The following ZMYM3 variants were observed in gnomAD, a reference collection of about 807,000 sequenced individuals.
The protein encoded by ZMYM3 is zinc finger MYM-type containing 3, also known as zinc finger MYM-type protein 3.
Under a neutral mutation model 94.2 loss-of-function variants are expected in ZMYM3, and 6 were observed. That is an observed-to-expected ratio of 0.06 (90% CI 0.03 to 0.13). ZMYM3 has a LOEUF of 0.13. ZMYM3 is among the 10% of genes least tolerant of loss of function. The probability of loss-of-function intolerance (pLI) is 1.00; values close to 1 mark genes in which losing one functional copy is unlikely to be tolerated. For synonymous variants in ZMYM3, 420 were observed against 426.5 expected, an observed-to-expected ratio of 0.98 and a Z score of 0.19; for missense variants, 664 against 1,132.6, an observed-to-expected ratio of 0.59 and a Z score of 5.94.
chrX:71,249,542 C>G lies in ZMYM3; in HGVS notation c.1389G>C (p.Gly463=), dbSNP rs1245402600. 3 of 1,206,085 alleles carry G rather than the reference C, an allele frequency of 2.5e-6. No homozygotes were observed. The highest frequency in any genetic ancestry group is 3.4e-6 in the Non-Finnish European group (3 of 893,366). The change falls in exon 7 of 25, where the codon GGG becomes GGC. Residue 463 remains glycine, a synonymous_variant. Coordinates refer to ENST00000314425, the MANE Select transcript of ZMYM3 (RefSeq NM_201599.3). ...QCGAYIYTKT[G]SPGPELLFHE... is the part of the protein sequence containing the mutation. ...GGAAGAGGAGCTCAGGGCCAGGACTCCCGGTCTTGGTGTAGATGTAAGCCC... is the reference window on the plus strand; with the variant it reads ...GGAAGAGGAGCTCAGGGCCAGGACTGCCGGTCTTGGTGTAGATGTAAGCCC...
Position 71,247,706 on chromosome X carries a change from G to A in ZMYM3, c.2148+28C>T, listed in dbSNP as rs754023747. 2.2e-5 allele frequency: 26 copies of A among 1,196,135 alleles called. No individual in the cohort carries two copies. In the East Asian group the frequency reaches 2.4e-4, roughly 11 times the overall value. On this transcript the variant is annotated intron_variant, in intron 12 of 24. Coordinates refer to ENST00000314425, the MANE Select transcript of ZMYM3 (RefSeq NM_201599.3). ...CGTGCTCCCCACTGCCCTCTTTCCCGCCTCGCTCGCATGCTGACCCTCCTT... is the reference window on the plus strand; with the variant it reads ...CGTGCTCCCCACTGCCCTCTTTCCCACCTCGCTCGCATGCTGACCCTCCTT...
Position 71,245,704 on chromosome X carries a change from C to A in ZMYM3, c.2824G>T (p.Ala942Ser). 1 of 1,211,594 alleles carries A rather than the reference C, an allele frequency of 8.3e-7. No homozygotes were observed. Among genetic ancestry groups the A allele is most frequent in the Non-Finnish European group, 1.1e-6 (1 of 895,451 alleles). The change falls in exon 17 of 25, where the codon GCT becomes TCT. Residue 942 changes from alanine to serine, a missense_variant. Transcript: ENST00000314425. ...GATGAGGCCTTGTCTAACTCCTCAGCCTCTGCAATCATTTCTGCCATAGCC... is the reference window on the plus strand; with the variant it reads ...GATGAGGCCTTGTCTAACTCCTCAGACTCTGCAATCATTTCTGCCATAGCC... ...ILAMAEMIAE[A>S]EELDKASSDL...
intron 19 of ZMYM3, 21 bp downstream of exon 19, chrX:71,244,769 A>G (rs372147078): frequency 2.5e-4 from 291 of 1,161,436 alleles, no homozygotes; most frequent in Middle Eastern, 5.1e-4. Flanking sequence ...TCTTTTGTAC[A>G]TACAGTAGCC....
In ZMYM3 at chrX:71,249,610, G is replaced by A. The variant is rs587777358; in HGVS notation, c.1321C>T (p.Arg441Trp). Residue 441 changes from arginine (R) to tryptophan (W), a missense_variant, in exon 7 of 25, where the codon CGG becomes TGG. Arg to Trp is a moderately radical substitution (Grantham distance 101). Transcript: ENST00000314425. The part of the protein sequence containing the change: ...LCSDSCFSKF[R>W]ANKGLKTNCC... ...TTGGTTTTCAGTCCCTTGTTGGCCC[G>A]GAATTTGGAGAAGCAAGAATCGCTG... 1 of 1,209,879 alleles carries A rather than the reference G, an allele frequency of 8.3e-7. No homozygotes were observed.
intron 16 of ZMYM3, 72 bp from the exon 17 acceptor site, chrX:71,245,914 A>G (rs73541924): frequency 0.018 from 20,741 of 1,182,280 alleles, 261 homozygotes; most frequent in African/African-American, 0.076. Context: ...GGGACAGATG[A>G]TGAGTGAAGG....
At chrX:71,244,638 G>C (rs1293565638) in intron 19 of ZMYM3, 152 bp downstream of exon 19, 30 of 769,723 alleles carry the variant, frequency 3.9e-5, no homozygotes, top group Non-Finnish European at 5.0e-5. Context: ...TGTGAGATGG[G>C]GGGAGAGCAA....
intron 4 of ZMYM3, 87 bp downstream of exon 4, chrX:71,251,091 T>C (rs1052428428): frequency 2.0e-6 from 2 of 979,402 alleles, no homozygotes; most frequent in Non-Finnish European, 2.9e-6. Flanking sequence ...CGGCAGGAGC[T>C]AGAAGATCCA....
intron 5 of ZMYM3, 42 bp from the exon 6 acceptor site, chrX:71,250,245 C>G: frequency 2.7e-6 from 3 of 1,127,525 alleles, no homozygotes; most frequent in Non-Finnish European, 3.5e-6. Context: ...CAAGACCACC[C>G]TCTCATTTCC....
Position 71,247,794 on chromosome X carries a change from G to A in ZMYM3, c.2088C>T (p.Gly696=), listed in dbSNP as rs748861177. The change falls in exon 12 of 25, where the codon GGC becomes GGT. Residue 696 remains glycine, a synonymous_variant. Transcript: ENST00000314425. ...CCTCACTGCAGAAGTCCCAGGTGCT[G>A]CCATCCAGTTGCTCGGTGACTCCGC... ...CQRGVTEQLD[G]STWDFCSEDC... is the part of the protein sequence containing the mutation. 2 of 1,212,012 alleles carry A rather than the reference G, an allele frequency of 1.7e-6. No individual in the cohort carries two copies. Among genetic ancestry groups the A allele is most frequent in the East Asian group, 3.0e-5 (1 of 33,869 alleles).
At chrX:71,254,765 G>C (rs1248451288), upstream of ZMYM3, 2 of 111,650 alleles carry the variant, frequency 1.8e-5, no homozygotes, top group African/African-American at 6.5e-5. Context: ...GCGGAGGACG[G>C]GGGGAGGCAG....
chrX:71,242,481 C>A (rs1602357627), intron 22 of ZMYM3, 57 bp from the exon 23 acceptor site: 2 of 1,179,438 alleles, frequency 1.7e-6, no homozygotes, highest in Non-Finnish European at 2.3e-6. Flanking sequence ...CAAACCCAAC[C>A]ACTTCCCATC....
intron 3 of ZMYM3, 114 bp downstream of exon 3, chrX:71,251,444 C>T (rs1469800289): frequency 1.9e-6 from 2 of 1,029,971 alleles, no homozygotes; most frequent in African/African-American, 3.9e-5. Flanking sequence ...CTCCCTCCTC[C>T]TAACTCTCCT....
At chrX:71,247,679 C>T (rs762165919) in intron 12 of ZMYM3, 55 bp downstream of exon 12, 32 of 1,174,757 alleles carry the variant, frequency 2.7e-5, no homozygotes, top group Non-Finnish European at 3.3e-5. Context: ...AGTACCACAG[C>T]CCGTGCTCCC....
intron 22 of ZMYM3, 137 bp from the exon 23 acceptor site, chrX:71,242,561 C>T (rs2029992989): frequency 1.2e-6 from 1 of 813,753 alleles, no homozygotes; most frequent in African/African-American, 2.0e-5. Context: ...AACACTGTCA[C>T]TTCGCTACAC....
intron 3 of ZMYM3, 70 bp from the exon 4 acceptor site, chrX:71,251,314 G>GT (rs2030455990): frequency 9.9e-7 from 1 of 1,013,373 alleles, no homozygotes; most frequent in Non-Finnish European, 1.4e-6. Context: ...TACAGGGTTT[G>GT]GGGGGGGATA....
At position 71,250,568 on chromosome X, in the gene ZMYM3, G is replaced by A. The variant is rs1169465626; in HGVS notation, c.937C>T (p.His313Tyr). Residue 313 changes from histidine (H) to tyrosine (Y), a missense_variant, in exon 5 of 25, where the codon CAT (histidine) becomes TAT (tyrosine). By Grantham distance (83) the His-to-Tyr change is moderately conservative. Around this residue, in one of 9 missense-constraint regions of ZMYM3, gnomAD observed 45 missense variants for 92.9 expected, o/e 0.48. Coordinates refer to ENST00000314425, the MANE Select transcript of ZMYM3 (RefSeq NM_201599.3). ...CCCTTCTGCAGTGGTGTCCGGCAAT[G>A]TGCACAAGTCATCTTGGTGCCCACT... ...SAVGTKMTCA[H>Y]CRTPLQKGQT... 2 of 1,211,702 alleles carry A rather than the reference G, an allele frequency of 1.7e-6. No individual in the cohort carries two copies. The highest frequency in any genetic ancestry group is 1.8e-5 in the South Asian group (1 of 56,833).
At chrX:71,244,965 T>C in intron 18 of ZMYM3, 72 bp from the exon 19 acceptor site, 1 of 892,898 alleles carries the variant, frequency 1.1e-6, no homozygotes, top group Non-Finnish European at 1.6e-6. Flanking sequence ...GCCCCACCCC[T>C]GCTACTTGCC....
Position 71,240,981 on chromosome X carries a change from G to A in ZMYM3, c.4048C>T (p.Arg1350Cys). 1 of 1,211,615 alleles carries A rather than the reference G, an allele frequency of 8.3e-7. No homozygotes were observed. Among genetic ancestry groups the A allele is most frequent in the Non-Finnish European group, 1.1e-6 (1 of 895,466 alleles). ...TAAATCTCGCGCACAGCCAGGATGCGATTGAGCATGCTCTCCAACATGCTG... is the reference window on the plus strand; with the variant it reads ...TAAATCTCGCGCACAGCCAGGATGCAATTGAGCATGCTCTCCAACATGCTG... The part of the protein sequence containing the change: ...DRSMLESMLN[R>C]ILAVREIYEE... Residue 1350 changes from arginine to cysteine, a missense_variant, in exon 25 of 25, where the codon CGC becomes TGC. By Grantham distance (180) the Arg-to-Cys change is radical. Transcript: ENST00000314425.
rs779893489 is a variant in ZMYM3 at position 71,244,029 on chromosome X, G to A, written c.3281-49C>T. ...ACAGGATTAAGAAAAACTCTACATG[G>A]AGAATTTCACTTAGCTCCATCACCA... On this transcript the variant is annotated intron_variant, in intron 20 of 24. Coordinates refer to ENST00000314425, the MANE Select transcript of ZMYM3 (RefSeq NM_201599.3). 7 of 1,187,686 alleles carry A rather than the reference G, an allele frequency of 5.9e-6. No individual in the cohort carries two copies. In the South Asian group the frequency reaches 1.3e-4, roughly 22 times the overall value.
Sources: allele counts gnomAD v4.1 joint callset, GRCh38; gene constraint gnomAD v4.1.1; regional missense constraint gnomAD v4.1.1; transcripts MANE v1.5; gene names NCBI Gene and HGNC (gene_info 2026-07-23, HGNC 2026-07-21).